The following ERC1 variants were observed in gnomAD, a reference collection of about 807,000 sequenced individuals.
The protein encoded by ERC1 is RAB6 interacting protein 2.
Under a neutral mutation model 132.0 loss-of-function variants are expected in ERC1, and 56 were observed. That is an observed-to-expected ratio of 0.42 (90% CI 0.34 to 0.53). The LOEUF (loss-of-function observed/expected upper bound fraction) is 0.53. ERC1 is among the 20% of genes least tolerant of loss of function. ERC1 has a pLI of 0.03. For missense variants in ERC1, 1,202 were observed against 1,349.9 expected (o/e 0.89, Z 1.72); for synonymous variants, 478 against 476.1 (o/e 1.00, Z -0.05).
intron 7 of ERC1, among the ~76,000 whole-genome samples, chr12:1,122,571 GTCTCTATCTCTA>G (rs1308276927): frequency 1.2e-3 from 5 of 4,112 alleles, no homozygotes; most frequent in African/African-American, 4.4e-3. Context: ...CTCTATCTGT[GTCTCTATCTCTA>G]TCTCTATCTC....
intron 15 of ERC1, among the ~76,000 whole-genome samples, chr12:1,341,077 T>C (rs1193988419): frequency 1.0e-3 from 13 of 12,780 alleles, no homozygotes; most frequent in African/African-American, 3.8e-3. Flanking sequence ...TTCTTTTTTT[T>C]TTTTTTTTTT....
intron 16 of ERC1, among the ~76,000 whole-genome samples, chr12:1,382,242 C>T (rs1011551679): frequency 1.3e-5 from 2 of 152,190 alleles, no homozygotes; most frequent in Non-Finnish European, 2.9e-5. Context: ...TACTTAATAG[C>T]GCCTAACCCT....
At chr12:1,280,654 T>A (rs1355772759) in intron 14 of ERC1, among the ~76,000 whole-genome samples, 2 of 152,150 alleles carry the variant, frequency 1.3e-5, no homozygotes, top group Non-Finnish European at 2.9e-5. Context: ...TTTTAGTCGC[T>A]TACAAAGGCA....
chr12:1,342,468 C>CAAAAAAAAAA (rs567114711), intron 15 of ERC1, among the ~76,000 whole-genome samples: 13 of 113,384 alleles, frequency 1.1e-4, no homozygotes, highest in Non-Finnish European at 3.6e-5. Flanking sequence ...AACTCTGTCT[C>CAAAAAAAAAA]AAAAAAAAAA....
intron 11 of ERC1, among the ~76,000 whole-genome samples, chr12:1,189,128 G>A (rs1476664959): frequency 1.3e-5 from 2 of 152,022 alleles, no homozygotes; most frequent in Admixed American, 6.6e-5. Flanking sequence ...GCCCAGGCTG[G>A]TCTTCAACTT....
chr12:1,352,822 A>G (rs568248833), intron 15 of ERC1, among the ~76,000 whole-genome samples: 27 of 152,290 alleles, frequency 1.8e-4, no homozygotes, highest in African/African-American at 6.3e-4. Context: ...GTTTCTTTCA[A>G]AGTACATACA....
intron 16 of ERC1, among the ~76,000 whole-genome samples, chr12:1,406,584 T>C (rs1383596207): frequency 1.3e-5 from 2 of 152,210 alleles, no homozygotes; most frequent in Non-Finnish European, 2.9e-5. Flanking sequence ...CAATCACTGA[T>C]AGAGGAATTA....
chr12:1,314,529 T>G (rs572466999), intron 15 of ERC1, among the ~76,000 whole-genome samples: 11 of 152,324 alleles, frequency 7.2e-5, no homozygotes, highest in Admixed American at 1.3e-4. Flanking sequence ...CAAAAACTTT[T>G]GACCCTGCAA....
At chr12:1,059,026 T>C (rs908687582) in intron 2 of ERC1, among the ~76,000 whole-genome samples, 2 of 152,176 alleles carry the variant, frequency 1.3e-5, no homozygotes, top group African/African-American at 4.8e-5. Context: ...ATCAGTATTT[T>C]GTAATTTTCA....
chr12:1,244,232 G>A (rs773760928), intron 13 of ERC1, among the ~76,000 whole-genome samples: 3 of 152,074 alleles, frequency 2.0e-5, no homozygotes, highest in Non-Finnish European at 4.4e-5. Flanking sequence ...AATCGTAATC[G>A]AATGACTGGT....
intron 14 of ERC1, among the ~76,000 whole-genome samples, chr12:1,280,397 C>G (rs550728933): frequency 7.2e-5 from 11 of 152,266 alleles, no homozygotes; most frequent in African/African-American, 2.6e-4. Flanking sequence ...TTTGGACATT[C>G]AATTGTCCCT....
intron 8 of ERC1, among the ~76,000 whole-genome samples, chr12:1,160,765 T>G (rs1424712096): frequency 6.6e-6 from 1 of 152,192 alleles, no homozygotes; most frequent in Non-Finnish European, 1.5e-5. Context: ...TTAAATTTTC[T>G]TTTTCTTTTT....
chr12:1,069,996 C>T (rs145391991), intron 2 of ERC1, among the ~76,000 whole-genome samples: 34 of 152,198 alleles, frequency 2.2e-4, no homozygotes, highest in Non-Finnish European at 3.2e-4. Context: ...AAGGAAGTTG[C>T]AGAGATAACC....
At chr12:1,384,445 C>A (rs1388215759) in intron 16 of ERC1, among the ~76,000 whole-genome samples, 1 of 152,162 alleles carries the variant, frequency 6.6e-6, no homozygotes, top group Admixed American at 6.5e-5. Context: ...TATTAAAATA[C>A]TATTACTGTC....
rs189218617 is a variant in ERC1 at position 1,442,513 on chromosome 12, A to T, written c.3025-2049A>T. On this transcript the variant is annotated intron_variant, in intron 17 of 18. Coordinates refer to ENST00000360905, the MANE Select transcript of ERC1 (RefSeq NM_178040.4). ...CTTAGAGAGAGAGAGAGAATTTTAA[A>T]AACAAAAGTAATGCTAAATTGATTA... Among the ~76,000 whole-genome samples, 6 of 152,330 alleles carry T rather than the reference A, an allele frequency of 3.9e-5. No homozygotes were observed. In the East Asian group the frequency reaches 1.2e-3, roughly 29 times the overall value.
At chr12:1,484,023 C>T (rs113893535) in intron 18 of ERC1, among the ~76,000 whole-genome samples, 6,370 of 150,806 alleles carry the variant, frequency 0.042, 451 homozygotes, top group African/African-American at 0.15. Context: ...ATCTTTGTTC[C>T]AGCCGGGCGT....
chr12:1,192,326 CA>C (rs1404060542), intron 12 of ERC1, among the ~76,000 whole-genome samples: 2 of 152,170 alleles, frequency 1.3e-5, no homozygotes, highest in Non-Finnish European at 2.9e-5. Context: ...AGGAGATAAT[CA>C]GTGCATTCTT....
At chr12:1,260,461 A>G (rs1466551527) in intron 13 of ERC1, among the ~76,000 whole-genome samples, 1 of 152,244 alleles carries the variant, frequency 6.6e-6, no homozygotes, top group Non-Finnish European at 1.5e-5. Flanking sequence ...AGGACAAGAA[A>G]GAGTGATTAT....
intron 7 of ERC1, among the ~76,000 whole-genome samples, chr12:1,130,562 G>C (rs1948659857): frequency 6.6e-6 from 1 of 151,192 alleles, no homozygotes; most frequent in Non-Finnish European, 1.5e-5. Context: ...TCTGCTATGA[G>C]TTTTCAAGGG....
Sources: allele counts gnomAD v4.1 joint callset (sites outside exome capture counted in the v4.1 genomes callset), GRCh38; gene constraint gnomAD v4.1.1; transcripts MANE v1.5; gene names NCBI Gene and HGNC (gene_info 2026-07-23, HGNC 2026-07-21).